LRIF1: variants seen among roughly 807,000 people sequenced by gnomAD.
LRIF1 encodes the protein ligand dependent nuclear receptor interacting factor 1, also known as ligand-dependent nuclear receptor-interacting factor 1.
In LRIF1, 32 loss-of-function variants were observed where a neutral mutation model predicts 52.7. That is an observed-to-expected ratio of 0.61 (90% confidence interval 0.46 to 0.82). LRIF1 has a LOEUF of 0.82. Among genes scored for constraint, LRIF1 ranks in the 40% least tolerant of loss-of-function variants. The pLI is 0.00. For missense variants in LRIF1, 887 were observed against 892.0 expected (o/e 0.99, Z 0.07); for synonymous variants, 323 against 317.4 (o/e 1.02, Z -0.19).
the LRIF1 span, among the ~76,000 whole-genome samples, chr1:110,893,852 C>A: frequency 9.4e-4 from 143 of 152,314 alleles, no homozygotes; most frequent in Non-Finnish European, 1.8e-3. Context: ...GCATCGAAAG[C>A]TGGAAACAAA....
the LRIF1 span, among the ~76,000 whole-genome samples, chr1:110,919,763 G>A: frequency 6.6e-6 from 1 of 152,114 alleles, no homozygotes; most frequent in African/African-American, 2.4e-5. Flanking sequence ...GAATTAGAAG[G>A]CAAGCCACAG....
the LRIF1 span, among the ~76,000 whole-genome samples, chr1:110,927,526 T>A: frequency 1.3e-5 from 2 of 152,206 alleles, no homozygotes; most frequent in Admixed American, 1.3e-4. Context: ...TAGCCAGAAG[T>A]CTTTGTTACA....
At chr1:110,905,084 A>G in the LRIF1 span, among the ~76,000 whole-genome samples, 1 of 152,324 alleles carries the variant, frequency 6.6e-6, no homozygotes, top group East Asian at 1.9e-4. Flanking sequence ...AAATACAGTC[A>G]GAGGAGATTT....
At chr1:110,900,766 CAA>C in the LRIF1 span, among the ~76,000 whole-genome samples, 1 of 121,604 alleles carries the variant, frequency 8.2e-6, no homozygotes, top group African/African-American at 3.0e-5. Context: ...AAAAAAAAAA[CAA>C]AAAAAAAAGG....
chr1:110,954,310 C>T lies in LRIF1; in HGVS notation c.69-1495G>A, dbSNP rs139219173. On this transcript the variant is annotated intron_variant, in intron 1 of 3. Transcript: ENST00000369763. ...TTATTGTTGCTGTTGAGACAGGGCCCGGCTCTGTCATCCAGACTGGAGTGT... is the reference window on the plus strand; with the variant it reads ...TTATTGTTGCTGTTGAGACAGGGCCTGGCTCTGTCATCCAGACTGGAGTGT... Among the ~76,000 whole-genome samples the T allele has an allele frequency of 1.3e-3, 199 of 152,122 alleles. 1 individual carries two copies. Among genetic ancestry groups the T allele is most frequent in the Middle Eastern group, 6.8e-3 (2 of 294 alleles).
chr1:110,887,526 A>T, the LRIF1 span, among the ~76,000 whole-genome samples: 1 of 152,160 alleles, frequency 6.6e-6, no homozygotes, highest in Non-Finnish European at 1.5e-5. Context: ...GGTGCTAAAT[A>T]TTTGGCATTC....
the LRIF1 span, among the ~76,000 whole-genome samples, chr1:110,928,891 T>C: frequency 1.4e-4 from 21 of 152,328 alleles, no homozygotes; most frequent in East Asian, 2.7e-3. Flanking sequence ...GTGTAGAATT[T>C]GCCATCTACT....
the LRIF1 span, chr1:110,891,494 C>T: frequency 1.5e-4 from 235 of 1,585,440 alleles, 1 homozygote; most frequent in East Asian, 9.4e-4. Context: ...CTTCTGAGCA[C>T]GGTTTAGCTC....
At chr1:110,887,514 T>G in the LRIF1 span, among the ~76,000 whole-genome samples, 1 of 152,244 alleles carries the variant, frequency 6.6e-6, no homozygotes, top group Non-Finnish European at 1.5e-5. Flanking sequence ...TTTACTTTGT[T>G]GGGTGCTAAA....
the LRIF1 span, among the ~76,000 whole-genome samples, chr1:110,917,929 T>C: frequency 6.9e-6 from 1 of 144,590 alleles, no homozygotes; most frequent in African/African-American, 2.6e-5. Context: ...CTCAAATAAT[T>C]TTGTCTCAGA....
Position 110,949,877 on chromosome 1 carries a change from T to TA in LRIF1, c.1842dup (p.Met615TyrfsTer13). ...TGTTTTCTCTCTCCTTCCTTCACCA[T>TA]AAACTCTGTCTCTTTGTAAGTACCA... On this transcript the variant is annotated frameshift_variant, in exon 3 of 4. Coordinates refer to ENST00000369763, the MANE Select transcript of LRIF1 (RefSeq NM_018372.4). LOFTEE classifies it low-confidence loss of function (END_TRUNC). The TA allele has an allele frequency of 1.2e-6, 2 of 1,614,028 alleles. No homozygotes were observed. Among genetic ancestry groups the TA allele is most frequent in the Non-Finnish European group, 1.7e-6 (2 of 1,179,966 alleles).
the LRIF1 span, among the ~76,000 whole-genome samples, chr1:110,921,759 C>T: frequency 1.3e-5 from 2 of 152,172 alleles, no homozygotes; most frequent in Non-Finnish European, 2.9e-5. Context: ...TTAGACGTGC[C>T]TCCTAAAGTT....
the LRIF1 span, chr1:110,891,246 A>G: frequency 4.7e-6 from 3 of 635,744 alleles, no homozygotes; most frequent in East Asian, 8.2e-5. Context: ...TAGAACTAGG[A>G]AAGCGCAGAG....
chr1:110,949,099 G>GT (rs1491493476), intron 3 of LRIF1, among the ~76,000 whole-genome samples: 6 of 151,834 alleles, frequency 4.0e-5, no homozygotes, highest in African/African-American at 7.3e-5. Flanking sequence ...GTGTGTGTGT[G>GT]GGGTGGGCGG....
intron 1 of LRIF1, among the ~76,000 whole-genome samples, chr1:110,962,061 T>TGTACACAC (rs71580558): frequency 7.0e-6 from 1 of 143,790 alleles, no homozygotes; most frequent in East Asian, 2.0e-4. Context: ...GAGTTAAGGG[T>TGTACACAC]ACACACACAC....
the LRIF1 span, among the ~76,000 whole-genome samples, chr1:110,888,554 G>A: frequency 5.3e-5 from 8 of 152,330 alleles, 1 homozygote; most frequent in South Asian, 1.7e-3. Flanking sequence ...GCTGTTTCAG[G>A]TGAGGGGGTA....
Position 110,953,580 on chromosome 1 carries a change from C to T in LRIF1, c.69-765G>A, listed in dbSNP as rs189671431. ...TTTTTTAACTGAATCAATTCTGACCCCCATGCCTTGAATTATTTCTTAGTA... is the reference window on the plus strand; with the variant it reads ...TTTTTTAACTGAATCAATTCTGACCTCCATGCCTTGAATTATTTCTTAGTA... On this transcript the variant is annotated intron_variant, in intron 1 of 3. Coordinates refer to ENST00000369763, the MANE Select transcript of LRIF1 (RefSeq NM_018372.4). 4.3e-4 allele frequency among the ~76,000 whole-genome samples: 66 copies of T among 152,196 alleles called. No homozygotes were observed. In the East Asian group the frequency reaches 7.7e-3, roughly 18 times the overall value.
At chr1:110,959,213 A>G (rs894484874) in intron 1 of LRIF1, among the ~76,000 whole-genome samples, 3 of 152,238 alleles carry the variant, frequency 2.0e-5, no homozygotes, top group African/African-American at 4.8e-5. Context: ...AACAGTTTAA[A>G]AGAGAAAAGA....
the LRIF1 span, chr1:110,899,090 T>G: frequency 6.4e-7 from 1 of 1,573,938 alleles, no homozygotes; most frequent in Non-Finnish European, 8.7e-7. Context: ...GCTTTTCTTA[T>G]GAAGACTTCA....
Sources: gnomAD v4.1 joint callset for allele counts (sites outside exome capture counted in the v4.1 genomes callset) on GRCh38, gnomAD v4.1.1 for gene constraint, MANE v1.5 for transcripts, NCBI Gene and HGNC (gene_info 2026-07-23, HGNC 2026-07-21) for gene names.